Variants in CNTNAP2 observed in about 807,000 individuals in gnomAD.
CNTNAP2 encodes contactin associated protein 2.
CNTNAP2 carries 98 observed loss-of-function variants against 155.2 expected under a neutral mutation model. The observed-to-expected ratio is 0.63, with a 90% CI of 0.54 to 0.75. The LOEUF (loss-of-function observed/expected upper bound fraction) is 0.75, where lower values mean the gene tolerates loss of function less well. CNTNAP2 is among the 30% of genes least tolerant of loss of function. The pLI is 0.00. For missense variants in CNTNAP2, 1,727 were observed against 1,688.1 expected, an observed-to-expected ratio of 1.02 and a Z score of -0.40; for synonymous variants, 651 against 631.2, an observed-to-expected ratio of 1.03 and a Z score of -0.47.
intron 1 of CNTNAP2, among the ~76,000 whole-genome samples, chr7:146,302,672 C>G (rs1165932091): frequency 2.0e-5 from 3 of 152,088 alleles, no homozygotes; most frequent in Non-Finnish European, 2.9e-5. Flanking sequence ...CATATGGCCT[C>G]TTGAGTCCCG....
At chr7:148,211,412 G>A (rs1457097625) in intron 18 of CNTNAP2, among the ~76,000 whole-genome samples, 1 of 152,206 alleles carries the variant, frequency 6.6e-6, no homozygotes, top group Non-Finnish European at 1.5e-5. Flanking sequence ...AATAAATGTG[G>A]TTTGCTTGAG....
intron 1 of CNTNAP2, among the ~76,000 whole-genome samples, chr7:146,135,223 T>A (rs920064207): frequency 1.2e-4 from 18 of 152,118 alleles, no homozygotes; most frequent in Admixed American, 9.2e-4. Flanking sequence ...AAGAAAATTT[T>A]AAAAATATAT....
intron 9 of CNTNAP2, among the ~76,000 whole-genome samples, chr7:147,314,549 A>G (rs2692167): frequency 0.51 from 76,146 of 150,538 alleles, 21,362 homozygotes; most frequent in East Asian, 0.73. Flanking sequence ...TTAGATCAGT[A>G]TGCAAATATA....
chr7:147,472,425 C>T (rs2116611426), intron 10 of CNTNAP2, among the ~76,000 whole-genome samples: 1 of 152,082 alleles, frequency 6.6e-6, no homozygotes, highest in Admixed American at 6.5e-5. Flanking sequence ...ATTGGCCAGG[C>T]TGGTCTCAAA....
At chr7:147,759,074 G>A (rs1797260216) in intron 13 of CNTNAP2, among the ~76,000 whole-genome samples, 1 of 152,106 alleles carries the variant, frequency 6.6e-6, no homozygotes, top group Admixed American at 6.6e-5. Flanking sequence ...TAAAGAGAAA[G>A]TACAAATTAT....
chr7:148,310,487 T>G (rs1482454232), intron 21 of CNTNAP2, among the ~76,000 whole-genome samples: 1 of 152,190 alleles, frequency 6.6e-6, no homozygotes, highest in Non-Finnish European at 1.5e-5. Context: ...GAGGTTGAAA[T>G]GCCTGCTATT....
intron 13 of CNTNAP2, among the ~76,000 whole-genome samples, chr7:147,898,099 T>C (rs548986046): frequency 1.3e-5 from 2 of 152,276 alleles, no homozygotes; most frequent in South Asian, 4.1e-4. Context: ...AAAATGGTCA[T>C]GCCAAGGGAA....
intron 1 of CNTNAP2, among the ~76,000 whole-genome samples, chr7:146,466,993 TTTATC>T (rs1412726569): frequency 6.6e-6 from 1 of 152,194 alleles, no homozygotes; most frequent in Admixed American, 6.5e-5. Context: ...TCAATGTACT[TTTATC>T]TTGTCCCTCT....
At chr7:147,434,630 C>T (rs2116535385) in intron 10 of CNTNAP2, among the ~76,000 whole-genome samples, 1 of 152,184 alleles carries the variant, frequency 6.6e-6, no homozygotes, top group Non-Finnish European at 1.5e-5. Flanking sequence ...AATTGATTTG[C>T]CTATGTTGAT....
intron 13 of CNTNAP2, among the ~76,000 whole-genome samples, chr7:147,676,572 T>C (rs1263828042): frequency 3.3e-5 from 5 of 151,994 alleles, no homozygotes; most frequent in African/African-American, 4.8e-5. Context: ...TGGCTAACTA[T>C]AGTCTCTGTG....
intron 13 of CNTNAP2, among the ~76,000 whole-genome samples, chr7:147,654,171 C>G (rs1272420764): frequency 6.6e-6 from 1 of 152,154 alleles, no homozygotes; most frequent in Non-Finnish European, 1.5e-5. Flanking sequence ...ACATAGGTCT[C>G]TTAGATTTTC....
chr7:147,871,948 T>C (rs984658360), intron 13 of CNTNAP2, among the ~76,000 whole-genome samples: 2 of 152,216 alleles, frequency 1.3e-5, no homozygotes, highest in African/African-American at 4.8e-5. Context: ...TCCTGGGTAA[T>C]GCTTTTTTCG....
At chr7:148,074,471 A>G (rs938609562) in intron 15 of CNTNAP2, among the ~76,000 whole-genome samples, 1 of 151,678 alleles carries the variant, frequency 6.6e-6, no homozygotes. Flanking sequence ...CGGGTTGATC[A>G]CTTGAGGTCA....
chr7:147,109,863 A>G (rs941048729), intron 5 of CNTNAP2, among the ~76,000 whole-genome samples: 2 of 152,002 alleles, frequency 1.3e-5, no homozygotes, highest in Non-Finnish European at 2.9e-5. Flanking sequence ...TCTGAACTCA[A>G]ATTACTGTTT....
chr7:147,444,302 A>G (rs1335892426), intron 10 of CNTNAP2, among the ~76,000 whole-genome samples: 2 of 152,190 alleles, frequency 1.3e-5, no homozygotes, highest in African/African-American at 2.4e-5. Context: ...GATCAACAAA[A>G]TGAAGCCCAA....
At chr7:146,774,416 T>C in intron 2 of CNTNAP2, 35 bp downstream of exon 2, 1 of 1,407,346 alleles carries the variant, frequency 7.1e-7, no homozygotes, top group East Asian at 2.3e-5. Context: ...TCAATAAACA[T>C]GTTAAATAAG....
intron 3 of CNTNAP2, among the ~76,000 whole-genome samples, chr7:146,859,547 C>T (rs1795056657): frequency 2.0e-5 from 3 of 152,064 alleles, no homozygotes; most frequent in Non-Finnish European, 4.4e-5. Context: ...ATCCCAGCTA[C>T]TTGGGAGGCT....
rs567718986 is a variant in CNTNAP2, at chr7:147,132,728, G to C, written c.1348+219G>C. 3.0e-4 allele frequency among the ~76,000 whole-genome samples: 45 copies of C among 152,190 alleles called. 1 individual carries two copies. The South Asian group carries it at 6.8e-3, about 23-fold the overall frequency. On this transcript the variant is annotated intron_variant, in intron 8 of 23. Transcript: ENST00000361727. The stretch of plus-strand genomic sequence containing the variant: ...ATGGGTGAAGGAGAAAATTGGTTGA[G>C]ATTGGAAAAGCAAAATCTATTCCTT...
intron 15 of CNTNAP2, among the ~76,000 whole-genome samples, chr7:148,087,926 C>T (rs568565864): frequency 6.6e-6 from 1 of 152,204 alleles, no homozygotes; most frequent in African/African-American, 2.4e-5. Flanking sequence ...TATTGCTATG[C>T]TCTACTTTTC....
Sources: gnomAD v4.1 joint callset for allele counts (sites outside exome capture counted in the v4.1 genomes callset) on GRCh38, gnomAD v4.1.1 for gene constraint, MANE v1.5 for transcripts, NCBI Gene and HGNC (gene_info 2026-07-23, HGNC 2026-07-21) for gene names.